SORCS3: variants seen among roughly 807,000 people sequenced by gnomAD.
SORCS3 encodes the protein VPS10 domain-containing receptor SorCS3.
SORCS3 carries 57 observed loss-of-function variants against 146.3 expected under a neutral mutation model. The ratio of observed to expected loss-of-function variants is 0.39; its 90% CI spans 0.31 to 0.49. The LOEUF (loss-of-function observed/expected upper bound fraction) is 0.49, where lower values mean the gene tolerates loss of function less well. SORCS3 is among the 20% of genes least tolerant of loss of function. The probability of loss-of-function intolerance (pLI) is 0.92; values close to 1 mark genes in which losing one functional copy is unlikely to be tolerated. For missense variants in SORCS3, 1,341 were observed against 1,575.5 expected, an observed-to-expected ratio of 0.85 and a Z score of 2.52; for synonymous variants, 653 against 618.5, an observed-to-expected ratio of 1.06 and a Z score of -0.83.
chr10:105,234,835 T>C (rs2056784038), intron 20 of SORCS3, among the ~76,000 whole-genome samples: 1 of 152,140 alleles, frequency 6.6e-6, no homozygotes, highest in African/African-American at 2.4e-5. Context: ...TCTGCACTGG[T>C]CATTGCAACA....
intron 5 of SORCS3, among the ~76,000 whole-genome samples, chr10:105,061,398 C>G (rs1321203656): frequency 6.6e-6 from 1 of 150,492 alleles, no homozygotes; most frequent in Admixed American, 6.7e-5. Flanking sequence ...AGGTTCATGC[C>G]ATTCTTCTGC....
At chr10:104,896,502 C>A (rs2018799360) in intron 2 of SORCS3, among the ~76,000 whole-genome samples, 1 of 152,158 alleles carries the variant, frequency 6.6e-6, no homozygotes, top group South Asian at 2.1e-4. Flanking sequence ...AGATTTCGAT[C>A]TGAGGGAAAA....
chr10:104,719,692 G>A (rs145043807), intron 1 of SORCS3, among the ~76,000 whole-genome samples: 47 of 152,330 alleles, frequency 3.1e-4, no homozygotes, highest in African/African-American at 1.0e-3. Context: ...AAAACACCAT[G>A]CATGTATGTG....
At chr10:104,858,938 T>TAAAA (rs3976791) in intron 2 of SORCS3, among the ~76,000 whole-genome samples, 133 of 138,522 alleles carry the variant, frequency 9.6e-4, no homozygotes, top group Middle Eastern at 3.8e-3. Context: ...TGTACATTTA[T>TAAAA]AAAAAAAAAA....
chr10:105,236,936 ATCT>A (rs1554888999), intron 20 of SORCS3, among the ~76,000 whole-genome samples: 10 of 152,200 alleles, frequency 6.6e-5, no homozygotes, highest in Non-Finnish European at 1.2e-4. Flanking sequence ...CAATCAATCT[ATCT>A]ATCTATCTAT....
At chr10:104,689,370 A>C (rs183226826) in intron 1 of SORCS3, among the ~76,000 whole-genome samples, 1 of 152,266 alleles carries the variant, frequency 6.6e-6, no homozygotes, top group Non-Finnish European at 1.5e-5. Context: ...TACGTTGCCC[A>C]TGTTGCCATC....
rs1394519288 is a variant in SORCS3, at chr10:104,977,257, C to A, written c.796-78C>A. The A allele has an allele frequency of 2.3e-5, 28 of 1,229,140 alleles. No individual in the cohort carries two copies. In the Admixed American group the frequency reaches 6.4e-4, roughly 28 times the overall value. The allele number at this position is 1,229,140 out of a possible 1,614,324, so 76.1% of individuals were successfully genotyped here. A position where few individuals can be genotyped will look rare whatever the true frequency, so the allele number is the denominator to read the frequency against. The stretch of plus-strand genomic sequence containing the variant: ...TGCTATGGTGTACAAATACAGATGA[C>A]TTATTTATGATTAAAGTTATTATAT... On this transcript the variant is annotated intron_variant, in intron 3 of 26. Transcript: ENST00000369701.
At chr10:105,072,727 G>A (rs1386199809) in intron 5 of SORCS3, among the ~76,000 whole-genome samples, 1 of 141,762 alleles carries the variant, frequency 7.1e-6, no homozygotes, top group Non-Finnish European at 1.5e-5. Context: ...TGTGTAAATA[G>A]GATCTGGCAA....
intron 1 of SORCS3, among the ~76,000 whole-genome samples, chr10:104,721,988 G>T (rs1275068889): frequency 6.6e-6 from 1 of 152,060 alleles, no homozygotes; most frequent in Admixed American, 6.5e-5. Flanking sequence ...CTGCCTGATT[G>T]CCCTGGCCAG....
intron 2 of SORCS3, among the ~76,000 whole-genome samples, chr10:104,871,582 T>C (rs1224907644): frequency 6.6e-6 from 1 of 152,222 alleles, no homozygotes; most frequent in East Asian, 1.9e-4. Flanking sequence ...GCAATGTGTC[T>C]ACAACAGACA....
At chr10:105,108,075 T>C (rs2055835454) in intron 7 of SORCS3, among the ~76,000 whole-genome samples, 1 of 152,198 alleles carries the variant, frequency 6.6e-6, no homozygotes, top group African/African-American at 2.4e-5. Context: ...TATCAGATAA[T>C]GACAAGTCCT....
intron 8 of SORCS3, among the ~76,000 whole-genome samples, chr10:105,144,362 C>T (rs963539695): frequency 6.6e-6 from 1 of 152,130 alleles, no homozygotes; most frequent in East Asian, 1.9e-4. Flanking sequence ...TTCTTGAGGG[C>T]AGGTTTTGCT....
chr10:104,663,509 T>C (rs184924858), intron 1 of SORCS3, among the ~76,000 whole-genome samples: 3 of 152,280 alleles, frequency 2.0e-5, no homozygotes, highest in African/African-American at 7.2e-5. Flanking sequence ...CTCCATTGCT[T>C]TCCTCTCTCC....
At chr10:104,961,470 C>A (rs2054795915) in intron 3 of SORCS3, among the ~76,000 whole-genome samples, 1 of 152,162 alleles carries the variant, frequency 6.6e-6, no homozygotes. Flanking sequence ...CAAGACCAAT[C>A]CTGTATCCTG....
chr10:105,230,729 T>C (rs1204869514), intron 20 of SORCS3, among the ~76,000 whole-genome samples: 1 of 152,064 alleles, frequency 6.6e-6, no homozygotes, highest in Non-Finnish European at 1.5e-5. Context: ...GGTGCAGTGG[T>C]GACTGTCTGT....
chr10:104,985,878 T>C (rs967439285), intron 4 of SORCS3, among the ~76,000 whole-genome samples: 2 of 152,210 alleles, frequency 1.3e-5, no homozygotes, highest in African/African-American at 4.8e-5. Flanking sequence ...TAAACAGATG[T>C]GCTGTCATGC....
Position 105,105,516 on chromosome 10 carries a change from G to A in SORCS3, c.1212+1G>A. ...CCAGGATGAATATATCTTCATTCAGGTGAGTACAGAAAGTGCAGTTGGTGG... is the reference window on the plus strand; with the variant it reads ...CCAGGATGAATATATCTTCATTCAGATGAGTACAGAAAGTGCAGTTGGTGG... On this transcript the variant is annotated splice_donor_variant, in intron 7 of 26. Coordinates refer to ENST00000369701, the MANE Select transcript of SORCS3 (RefSeq NM_014978.3). LOFTEE classifies it high-confidence loss of function. The A allele has an allele frequency of 1.2e-6, 2 of 1,602,946 alleles. No individual in the cohort carries two copies. Among genetic ancestry groups the A allele is most frequent in the Non-Finnish European group, 1.7e-6 (2 of 1,169,976 alleles).
chr10:104,743,967 T>C (rs2016879343), intron 1 of SORCS3, among the ~76,000 whole-genome samples: 1 of 152,210 alleles, frequency 6.6e-6, no homozygotes, highest in Non-Finnish European at 1.5e-5. Flanking sequence ...CTAACAACAA[T>C]AATAATACTA....
chr10:104,848,963 T>G (rs2018238670), intron 2 of SORCS3, among the ~76,000 whole-genome samples: 1 of 152,236 alleles, frequency 6.6e-6, no homozygotes, highest in Non-Finnish European at 1.5e-5. Flanking sequence ...CTAGAAATAC[T>G]TGTATGTTTA....
Sources: gnomAD v4.1 joint callset for allele counts (sites outside exome capture counted in the v4.1 genomes callset) on GRCh38, gnomAD v4.1.1 for gene constraint, MANE v1.5 for transcripts, NCBI Gene and HGNC (gene_info 2026-07-23, HGNC 2026-07-21) for gene names.